DDHD1: variants seen among roughly 807,000 people sequenced by gnomAD.
DDHD1 encodes DDHD domain containing 1.
DDHD1 carries 49 observed loss-of-function variants against 96.4 expected under a neutral mutation model. That is an observed-to-expected ratio of 0.51 (90% confidence interval 0.40 to 0.64). The LOEUF is 0.64. Ranked by LOEUF, DDHD1 falls within the 30% of genes least tolerant of loss-of-function variation. DDHD1 has a pLI of 0.00. For synonymous variants in DDHD1, 442 were observed against 446.5 expected, an observed-to-expected ratio of 0.99 and a Z score of 0.13; for missense variants, 1,106 against 1,161.2, an observed-to-expected ratio of 0.95 and a Z score of 0.69.
At chr14:53,143,185 G>C (rs1890755709) in intron 1 of DDHD1, among the ~76,000 whole-genome samples, 1 of 152,208 alleles carries the variant, frequency 6.6e-6, no homozygotes, top group Non-Finnish European at 1.5e-5. Context: ...TGGGATTTGA[G>C]CCAAGTCTGG....
chr14:53,089,858 C>A (rs921376354), intron 4 of DDHD1, among the ~76,000 whole-genome samples: 3 of 152,126 alleles, frequency 2.0e-5, no homozygotes, highest in South Asian at 2.1e-4. Flanking sequence ...GCAACAAAAG[C>A]CAAAATTGAC....
In DDHD1 at chr14:53,044,499, A is replaced by G. The variant is rs1881876870; in HGVS notation, c.*2269T>C. 1 of 152,164 alleles carries G rather than the reference A, an allele frequency of 6.6e-6. No homozygotes were observed. The highest frequency in any genetic ancestry group is 1.5e-5 in the Non-Finnish European group (1 of 68,018). 9.4% of individuals were successfully genotyped at this position (152,164 alleles called of 1,614,324 possible). Reference sequence around the variant, plus strand: ...TTCTTATGCATTTGAGTGTCATACCACCTACAGCAACATACGCTCAAGTAC... The same window carrying G: ...TTCTTATGCATTTGAGTGTCATACCGCCTACAGCAACATACGCTCAAGTAC... On this transcript the variant is annotated 3_prime_UTR_variant, in exon 13 of 13. Coordinates refer to ENST00000673822, the MANE Select transcript of DDHD1 (RefSeq NM_001160148.2).
chr14:53,130,916 T>C (rs578247736), intron 1 of DDHD1, among the ~76,000 whole-genome samples: 2 of 152,292 alleles, frequency 1.3e-5, no homozygotes, highest in Admixed American at 1.3e-4. Flanking sequence ...CACAGACACT[T>C]TGGGTAACTC....
At chr14:53,103,372 T>C (rs1174353202) in intron 2 of DDHD1, 1 of 357,876 alleles carries the variant, frequency 2.8e-6, no homozygotes, top group African/African-American at 2.1e-5. Flanking sequence ...TTGGGTTAAG[T>C]TCAATTTCCT....
chr14:53,134,143 C>T (rs547776964), intron 1 of DDHD1, among the ~76,000 whole-genome samples: 1 of 152,310 alleles, frequency 6.6e-6, no homozygotes, highest in South Asian at 2.1e-4. Flanking sequence ...TACGCAGTCA[C>T]TCCCACTACT....
At chr14:53,141,392 A>C (rs1245546269) in intron 1 of DDHD1, among the ~76,000 whole-genome samples, 1 of 152,220 alleles carries the variant, frequency 6.6e-6, no homozygotes, top group African/African-American at 2.4e-5. Flanking sequence ...GAACTAACAG[A>C]ATTACCAAAG....
rs78819079 is a variant in DDHD1, at chr14:53,044,408, A to C, written c.*2360T>G. The C allele has an allele frequency of 1.3e-5, 2 of 152,206 alleles. No individual in the cohort carries two copies. Among genetic ancestry groups the C allele is most frequent in the African/African-American group, 4.8e-5 (2 of 41,458 alleles). 9.4% of individuals were successfully genotyped at this position (152,206 alleles called of 1,614,324 possible). On this transcript the variant is annotated 3_prime_UTR_variant, in exon 13 of 13. Coordinates refer to ENST00000673822, the MANE Select transcript of DDHD1 (RefSeq NM_001160148.2). ...GATATCAAATTAAAAGGTCTGACAT[A>C]ATTTCACTCTTCTCAGGTAAAAAGG...
chr14:53,143,363 C>T (rs1890767961), intron 1 of DDHD1, among the ~76,000 whole-genome samples: 1 of 152,166 alleles, frequency 6.6e-6, no homozygotes. Context: ...ATGCTTGTTC[C>T]TCGGTGCAGT....
rs760225486 is a variant in DDHD1 at position 53,152,434 on chromosome 14, G to T, written c.665C>A (p.Ala222Asp). The change falls in exon 1 of 13, where the codon GCC becomes GAC. Residue 222 changes from alanine to aspartate, a missense_variant. By Grantham distance (126) the Ala-to-Asp change is moderately radical (BLOSUM62 -2). Around this residue, in one of 2 missense-constraint regions of DDHD1, gnomAD observed 456 missense variants for 402.4 expected, o/e 1.13. Transcript: ENST00000673822. ...GDHVCSPTGP[A>D]SSSGEDDDED... Reference sequence around the variant, plus strand: ...ATCGTCATCTTCTCCGGAACTGGAGGCTGGGCCCGTGGGGGAGCACACATG... The same window carrying T: ...ATCGTCATCTTCTCCGGAACTGGAGTCTGGGCCCGTGGGGGAGCACACATG... The T allele has an allele frequency of 3.7e-6, 6 of 1,613,554 alleles. No individual in the cohort carries two copies. The Admixed American group carries it at 8.3e-5, about 22-fold the overall frequency.
intron 1 of DDHD1, among the ~76,000 whole-genome samples, chr14:53,145,356 A>T (rs1463496982): frequency 6.6e-6 from 1 of 151,994 alleles, no homozygotes; most frequent in Non-Finnish European, 1.5e-5. Flanking sequence ...TTTAAAAATT[A>T]GCTGGGCATG....
intron 6 of DDHD1, among the ~76,000 whole-genome samples, chr14:53,071,911 T>C (rs921966896): frequency 6.6e-6 from 1 of 152,164 alleles, no homozygotes; most frequent in Non-Finnish European, 1.5e-5. Flanking sequence ...ATTCAAATAC[T>C]GGCTCTGCCA....
In DDHD1 at chr14:53,120,452, A is replaced by C. The variant is rs147271895; in HGVS notation, c.839-16596T>G. On this transcript the variant is annotated intron_variant, in intron 1 of 12. Transcript: ENST00000673822. Reference sequence around the variant, plus strand: ...TTGCAGAATTAGAAAAAAATACTTTAAATTTTATATGGAACCAAAAAAGAG... The same window carrying C: ...TTGCAGAATTAGAAAAAAATACTTTCAATTTTATATGGAACCAAAAAAGAG... Among the ~76,000 whole-genome samples, 94 of 152,320 alleles carry C rather than the reference A, an allele frequency of 6.2e-4. 1 individual carries two copies. The highest frequency in any genetic ancestry group is 2.1e-3 in the African/African-American group (88 of 41,562).
intron 1 of DDHD1, among the ~76,000 whole-genome samples, chr14:53,128,594 T>C (rs1310424556): frequency 6.6e-6 from 1 of 152,212 alleles, no homozygotes; most frequent in Non-Finnish European, 1.5e-5. Context: ...TGGGGAGATA[T>C]TAACCTTCAG....
chr14:53,079,645 T>A (rs1885281682), intron 4 of DDHD1, among the ~76,000 whole-genome samples: 1 of 152,260 alleles, frequency 6.6e-6, no homozygotes, highest in African/African-American at 2.4e-5. Context: ...GTAATTTGAA[T>A]CTTTTTCTCG....
intron 4 of DDHD1, among the ~76,000 whole-genome samples, chr14:53,075,948 G>T (rs4898780): frequency 2.6e-5 from 4 of 151,836 alleles, no homozygotes; most frequent in African/African-American, 9.7e-5. Context: ...AAAAAAAAAC[G>T]ATTCCTTTCA....
chr14:53,072,691 G>C lies in DDHD1; in HGVS notation c.1409C>G (p.Ser470Cys), dbSNP rs866147611. The change falls in exon 6 of 13, where the codon TCC becomes TGC. Residue 470 changes from serine to cysteine, a missense_variant. Ser to Cys is a moderately radical substitution (Grantham distance 112). Transcript: ENST00000673822. The stretch of plus-strand genomic sequence containing the variant: ...ACCTCGTACTTTGTCAGGAGTAATG[G>C]AATCAACAGTGTCTACAAAAACAAA... The part of the protein sequence containing the change: ...KLTLDGDTVD[S>C]ITPDKVRGLR... 2.5e-6 allele frequency: 4 copies of C among 1,605,714 alleles called. No homozygotes were observed. The highest frequency in any genetic ancestry group is 4.5e-5 in the East Asian group (2 of 44,728).
In DDHD1 at chr14:53,055,934, C is replaced by T. The variant is rs1293243227; in HGVS notation, c.1993-22G>A. 12 of 1,579,522 alleles carry T rather than the reference C, an allele frequency of 7.6e-6. No individual in the cohort carries two copies. In the African/African-American group the frequency reaches 1.5e-4, roughly 20 times the overall value. On this transcript the variant is annotated intron_variant, in intron 9 of 12. Coordinates refer to ENST00000673822, the MANE Select transcript of DDHD1 (RefSeq NM_001160148.2). ...AAGCCTTGATTTAAAAAAAAAAATTCAAAGAAACACAGTGTTAAATCACAA... is the reference window on the plus strand; with the variant it reads ...AAGCCTTGATTTAAAAAAAAAAATTTAAAGAAACACAGTGTTAAATCACAA...
intron 2 of DDHD1, 57 bp from the exon 3 acceptor site, chr14:53,093,501 GA>G (rs1886612982): frequency 8.2e-6 from 13 of 1,579,808 alleles, no homozygotes; most frequent in Non-Finnish European, 1.0e-5. Flanking sequence ...TTATTTGTTT[GA>G]AGAATTATAA....
chr14:53,103,266 G>A, intron 2 of DDHD1: 2 of 401,616 alleles, frequency 5.0e-6, no homozygotes, highest in Non-Finnish European at 8.7e-6. Context: ...ATAACTAAGA[G>A]ATACACAAAG....
Sources: allele counts gnomAD v4.1 joint callset (sites outside exome capture counted in the v4.1 genomes callset), GRCh38; gene constraint gnomAD v4.1.1; regional missense constraint gnomAD v4.1.1; transcripts MANE v1.5; gene names NCBI Gene and HGNC (gene_info 2026-07-23, HGNC 2026-07-21).